Variants in IPCEF1 observed in about 807,000 individuals in gnomAD.
The protein encoded by IPCEF1 is interactor protein for cytohesin exchange factors 1.
A neutral mutation model predicts 50.9 loss-of-function variants in IPCEF1; 31 were observed. The observed-to-expected ratio is 0.61, with a 90% confidence interval of 0.46 to 0.82. IPCEF1 has a LOEUF of 0.82. IPCEF1 is among the 40% of genes least tolerant of loss of function. IPCEF1 has a pLI of 0.00. For synonymous variants in IPCEF1, 181 were observed against 192.0 expected, an observed-to-expected ratio of 0.94 and a Z score of 0.47; for missense variants, 458 against 514.0, an observed-to-expected ratio of 0.89 and a Z score of 1.05.
intron 3 of IPCEF1, among the ~76,000 whole-genome samples, chr6:154,259,751 G>A (rs959951276): frequency 6.6e-6 from 1 of 152,066 alleles, no homozygotes; most frequent in Non-Finnish European, 1.5e-5. Flanking sequence ...TCTACTTAAT[G>A]AGCCCCTCCC....
chr6:154,283,389 G>T (rs895221072), intron 2 of IPCEF1, among the ~76,000 whole-genome samples: 15 of 150,792 alleles, frequency 9.9e-5, no homozygotes, highest in African/African-American at 3.7e-4. Flanking sequence ...AAGGTCAGGA[G>T]ATCATGACCA....
intron 3 of IPCEF1, among the ~76,000 whole-genome samples, chr6:154,250,232 G>C (rs1781303494): frequency 6.6e-6 from 1 of 150,978 alleles, no homozygotes; most frequent in African/African-American, 2.4e-5. Flanking sequence ...GATCTTGCAT[G>C]TGGTTTTTCG....
chr6:154,313,745 T>C (rs531155083), intron 1 of IPCEF1, among the ~76,000 whole-genome samples: 1 of 151,990 alleles, frequency 6.6e-6, no homozygotes, highest in South Asian at 2.1e-4. Context: ...TTTTTTTGTT[T>C]TGTTTTTTGT....
At chr6:154,317,627 A>G (rs930893578) in intron 1 of IPCEF1, among the ~76,000 whole-genome samples, 1 of 151,754 alleles carries the variant, frequency 6.6e-6, no homozygotes, top group Non-Finnish European at 1.5e-5. Flanking sequence ...CAAAAAATAC[A>G]TAAAACAGTG....
chr6:154,275,619 A>G (rs1230819057), intron 2 of IPCEF1, among the ~76,000 whole-genome samples: 1 of 152,244 alleles, frequency 6.6e-6, no homozygotes, highest in Non-Finnish European at 1.5e-5. Context: ...ATGTTTTTCT[A>G]CTTGGTGAAA....
At chr6:154,203,606 T>C (rs775699527) in intron 9 of IPCEF1, among the ~76,000 whole-genome samples, 1 of 152,160 alleles carries the variant, frequency 6.6e-6, no homozygotes, top group African/African-American at 2.4e-5. Flanking sequence ...ACTGTGGGAC[T>C]TGAGTATGCA....
chr6:154,332,217 CATG>C lies in IPCEF1; in HGVS notation c.-62+24452_-62+24454del, dbSNP rs1476726643. ...CAAATGCAACTGAAATATCAGGGAT[CATG>C]ATATTTTTATACTTCTCTCCTTGCA... On this transcript the variant is annotated intron_variant, in intron 1 of 11. Transcript: ENST00000367220. 2.0e-5 allele frequency among the ~76,000 whole-genome samples: 3 copies of C among 151,646 alleles called. No homozygotes were observed. The East Asian group carries it at 5.8e-4, about 29-fold the overall frequency.
chr6:154,238,949 T>G, intron 5 of IPCEF1, among the ~76,000 whole-genome samples: 1 of 151,650 alleles, frequency 6.6e-6, no homozygotes, highest in Non-Finnish European at 1.5e-5. Flanking sequence ...AAAGAAGTTG[T>G]GGAAACACCG....
At chr6:154,216,270 T>C (rs990389510) in intron 7 of IPCEF1, among the ~76,000 whole-genome samples, 7 of 152,172 alleles carry the variant, frequency 4.6e-5, no homozygotes, top group African/African-American at 1.7e-4. Flanking sequence ...TTCTATCAAT[T>C]TCCTGTTATA....
At chr6:154,327,037 T>G (rs1342161956) in intron 1 of IPCEF1, among the ~76,000 whole-genome samples, 1 of 152,214 alleles carries the variant, frequency 6.6e-6, no homozygotes, top group Non-Finnish European at 1.5e-5. Flanking sequence ...ACTGGACCTC[T>G]TCCTTACACC....
chr6:154,309,922 C>A (rs1783038193), intron 1 of IPCEF1, among the ~76,000 whole-genome samples: 1 of 152,018 alleles, frequency 6.6e-6, no homozygotes, highest in Non-Finnish European at 1.5e-5. Flanking sequence ...TGCCACCACG[C>A]CTGGCTAATT....
chr6:154,346,213 A>G (rs1225318595), intron 1 of IPCEF1, among the ~76,000 whole-genome samples: 1 of 152,214 alleles, frequency 6.6e-6, no homozygotes, highest in East Asian at 1.9e-4. Context: ...AAGATTTTAC[A>G]TCAAAATGTT....
At chr6:154,184,926 G>T (rs1464068285) in intron 10 of IPCEF1, among the ~76,000 whole-genome samples, 1 of 152,032 alleles carries the variant, frequency 6.6e-6, no homozygotes, top group Non-Finnish European at 1.5e-5. Flanking sequence ...TGTGTCACAA[G>T]AAACAAACAT....
At chr6:154,272,227 A>C (rs9322458) in intron 2 of IPCEF1, among the ~76,000 whole-genome samples, 1 of 152,176 alleles carries the variant, frequency 6.6e-6, no homozygotes, top group Non-Finnish European at 1.5e-5. Context: ...GGTAGCAATT[A>C]CCTAGAATGG....
intron 7 of IPCEF1, 64 bp downstream of exon 7, chr6:154,221,193 A>T: frequency 8.8e-7 from 1 of 1,136,080 alleles, no homozygotes; most frequent in Non-Finnish European, 1.3e-6. Context: ...TTAGAATTCC[A>T]GTACCAGGCT....
At chr6:154,250,250 A>G (rs1448019977) in intron 3 of IPCEF1, among the ~76,000 whole-genome samples, 1 of 151,548 alleles carries the variant, frequency 6.6e-6, no homozygotes, top group Non-Finnish European at 1.5e-5. Flanking sequence ...TCGCTAGGTA[A>G]GTAAAAAAAA....
chr6:154,315,536 A>G (rs984309210), intron 1 of IPCEF1, among the ~76,000 whole-genome samples: 3 of 152,190 alleles, frequency 2.0e-5, no homozygotes, highest in East Asian at 1.9e-4. Context: ...CAAGAACCAG[A>G]GTCAGAGGCT....
chr6:154,229,569 G>A (rs193033763), intron 5 of IPCEF1, among the ~76,000 whole-genome samples: 1 of 151,964 alleles, frequency 6.6e-6, no homozygotes, highest in East Asian at 1.9e-4. Flanking sequence ...TGTTAGCCAG[G>A]ACGGTCTCGA....
rs571949116 is a variant in IPCEF1 at position 154,206,287 on chromosome 6, G to A, written c.538-6247C>T. Among the ~76,000 whole-genome samples, 319 of 152,334 alleles carry A rather than the reference G, an allele frequency of 2.1e-3. 1 individual carries two copies. Among genetic ancestry groups the A allele is most frequent in the African/African-American group, 7.6e-3 (314 of 41,574 alleles). On this transcript the variant is annotated intron_variant, in intron 9 of 11. Transcript: ENST00000367220. ...AAACTCATACAAGATTTCTGTGAGA[G>A]TCAAATGAAATCATTCTTCTCAAAG...
Sources: allele counts gnomAD v4.1 joint callset (sites outside exome capture counted in the v4.1 genomes callset), GRCh38; gene constraint gnomAD v4.1.1; transcripts MANE v1.5; gene names NCBI Gene and HGNC (gene_info 2026-07-23, HGNC 2026-07-21).